Variants in REEP1 observed in about 807,000 individuals in gnomAD.
REEP1 encodes the protein receptor accessory protein 1, also known as receptor expression-enhancing protein 1.
Under a neutral mutation model 40.3 loss-of-function variants are expected in REEP1, and 22 were observed. The observed-to-expected ratio is 0.55, with a 90% confidence interval of 0.39 to 0.78. REEP1 has a LOEUF of 0.78. REEP1 is among the 30% of genes least tolerant of loss of function. The pLI is 0.00. For synonymous variants in REEP1, 116 were observed against 139.2 expected, an observed-to-expected ratio of 0.83 and a Z score of 1.17; for missense variants, 280 against 361.1, an observed-to-expected ratio of 0.78 and a Z score of 1.82.
At chr2:86,284,093 A>T (rs1307474247) in intron 1 of REEP1, among the ~76,000 whole-genome samples, 1 of 151,988 alleles carries the variant, frequency 6.6e-6, no homozygotes, top group Non-Finnish European at 1.5e-5. Context: ...GTGGCTGGGG[A>T]AGCCTGCTGG....
At chr2:86,315,080 G>A (rs1180850660) in intron 1 of REEP1, among the ~76,000 whole-genome samples, 2 of 152,094 alleles carry the variant, frequency 1.3e-5, no homozygotes, top group East Asian at 3.9e-4. Context: ...AGACCCTGCA[G>A]GGCCCTTGAG....
chr2:86,308,906 G>C (rs1478789285), intron 1 of REEP1, among the ~76,000 whole-genome samples: 1 of 152,180 alleles, frequency 6.6e-6, no homozygotes, highest in African/African-American at 2.4e-5. Context: ...TAACAGTCTA[G>C]AACTAGGGAC....
At chr2:86,278,461 T>C (rs2104380160) in intron 2 of REEP1, among the ~76,000 whole-genome samples, 1 of 152,324 alleles carries the variant, frequency 6.6e-6, no homozygotes, top group Non-Finnish European at 1.5e-5. Flanking sequence ...AATCTGGATT[T>C]GACAAGTGAG....
chr2:86,265,634 A>C (rs1677091145), intron 2 of REEP1, among the ~76,000 whole-genome samples: 1 of 152,234 alleles, frequency 6.6e-6, no homozygotes. Context: ...TGTCTTTTGC[A>C]GCAATATAGA....
intron 1 of REEP1, among the ~76,000 whole-genome samples, chr2:86,288,032 A>ATTTTTTTTTTTTTTTTT (rs1558916457): frequency 3.3e-5 from 5 of 149,744 alleles, no homozygotes; most frequent in African/African-American, 1.3e-4. Flanking sequence ...TATTTTTATT[A>ATTTTTTTTTTTTTTTTT]TTTTTTTGAG....
chr2:86,334,133 C>G (rs141735446), intron 1 of REEP1, among the ~76,000 whole-genome samples: 3 of 152,302 alleles, frequency 2.0e-5, no homozygotes, highest in African/African-American at 7.2e-5. Context: ...AGGGATAAAG[C>G]GGTTGTAAAG....
chr2:86,327,558 GTCTA>G lies in REEP1; in HGVS notation c.32+9917_32+9920del, dbSNP rs1426766502. ...GTTTTTAAACAGCAGGGGAAAGATG[GTCTA>G]TCTTACTTTTTTTTTTTTTTTTGGA... is the stretch of plus-strand genomic sequence containing the variant. On this transcript the variant is annotated intron_variant, in intron 1 of 8. Coordinates refer to ENST00000538924, the MANE Select transcript of REEP1 (RefSeq NM_001371279.1). Among the ~76,000 whole-genome samples, 116 of 143,768 alleles carry G rather than the reference GTCTA, an allele frequency of 8.1e-4. 1 individual carries two copies. Among genetic ancestry groups the G allele is most frequent in the African/African-American group, 2.9e-3 (111 of 37,726 alleles). 94.3% of individuals were successfully genotyped at this position (143,768 alleles called of 152,430 possible).
At chr2:86,262,790 C>T (rs868574929) in intron 3 of REEP1, among the ~76,000 whole-genome samples, 6 of 152,328 alleles carry the variant, frequency 3.9e-5, no homozygotes, top group African/African-American at 1.4e-4. Flanking sequence ...AAATAACCCT[C>T]GTTAACTATA....
intron 5 of REEP1, among the ~76,000 whole-genome samples, chr2:86,238,173 C>A (rs189748682): frequency 2.3e-4 from 35 of 152,294 alleles, no homozygotes; most frequent in African/African-American, 8.2e-4. Context: ...AAGAGCAAAA[C>A]TCTGTCTCAA....
At chr2:86,222,721 A>G (rs1017439556) in intron 7 of REEP1, among the ~76,000 whole-genome samples, 2 of 152,040 alleles carry the variant, frequency 1.3e-5, no homozygotes, top group South Asian at 2.1e-4. Flanking sequence ...CCATGCTTCA[A>G]TTTTCTTACT....
chr2:86,272,254 G>A (rs2104349628), intron 2 of REEP1, among the ~76,000 whole-genome samples: 1 of 152,266 alleles, frequency 6.6e-6, no homozygotes, highest in Non-Finnish European at 1.5e-5. Flanking sequence ...TTTCCTTGAT[G>A]CAACCCTTAG....
chr2:86,315,299 C>T lies in REEP1; in HGVS notation c.32+22180G>A, dbSNP rs561590276. The stretch of plus-strand genomic sequence containing the variant: ...TGACACCCCCAAGTCACATCCAGTC[C>T]GGGGCCAGATAGTGTTGCTGGCACT... On this transcript the variant is annotated intron_variant, in intron 1 of 8. Transcript: ENST00000538924. Among the ~76,000 whole-genome samples, 10 of 152,306 alleles carry T rather than the reference C, an allele frequency of 6.6e-5. No individual in the cohort carries two copies. The East Asian group carries it at 1.7e-3, about 27-fold the overall frequency.
chr2:86,270,589 G>A (rs1297428143), intron 2 of REEP1, among the ~76,000 whole-genome samples: 1 of 152,098 alleles, frequency 6.6e-6, no homozygotes, highest in African/African-American at 2.4e-5. Flanking sequence ...GAGAAAGAAG[G>A]AAACTCTTAA....
chr2:86,326,687 G>C (rs1348890728), intron 1 of REEP1, among the ~76,000 whole-genome samples: 1 of 151,634 alleles, frequency 6.6e-6, no homozygotes, highest in Non-Finnish European at 1.5e-5. Context: ...ACTCCAGCCT[G>C]GGCGACAAGA....
At chr2:86,322,540 G>A (rs900215826) in intron 1 of REEP1, among the ~76,000 whole-genome samples, 3 of 151,840 alleles carry the variant, frequency 2.0e-5, no homozygotes, top group Non-Finnish European at 4.4e-5. Context: ...TGACCTCCTG[G>A]GTGCAAGAGA....
intron 2 of REEP1, among the ~76,000 whole-genome samples, chr2:86,267,622 G>T (rs1558901511): frequency 6.6e-6 from 1 of 151,902 alleles, no homozygotes; most frequent in African/African-American, 2.4e-5. Context: ...GGAGTTCAAG[G>T]CTGCAGTAAG....
chr2:86,277,673 T>C (rs13389970), intron 2 of REEP1, among the ~76,000 whole-genome samples: 6,523 of 151,760 alleles, frequency 0.043, 475 homozygotes, highest in African/African-American at 0.15. Flanking sequence ...GAGGAACAAA[T>C]CCCACTAAAG....
intron 6 of REEP1, among the ~76,000 whole-genome samples, chr2:86,232,114 T>C (rs1217444835): frequency 6.6e-6 from 1 of 151,826 alleles, no homozygotes; most frequent in Non-Finnish European, 1.5e-5. Context: ...CTGGGGGTGG[T>C]GTGAGGTACA....
intron 2 of REEP1, among the ~76,000 whole-genome samples, chr2:86,270,460 GC>G (rs1281799921): frequency 6.6e-6 from 1 of 152,162 alleles, no homozygotes; most frequent in Admixed American, 6.5e-5. Context: ...CTTCCAAAGT[GC>G]TGGGATTACA....
Sources: gnomAD v4.1 joint callset for allele counts (sites outside exome capture counted in the v4.1 genomes callset) on GRCh38, gnomAD v4.1.1 for gene constraint, MANE v1.5 for transcripts, NCBI Gene and HGNC (gene_info 2026-07-23, HGNC 2026-07-21) for gene names.